The following DAB1 variants were observed in gnomAD, a reference collection of about 807,000 sequenced individuals.
DAB1 encodes the protein DAB adaptor protein 1, also known as disabled homolog 1.
Under a neutral mutation model 64.6 loss-of-function variants are expected in DAB1, and 15 were observed. The ratio of observed to expected loss-of-function variants is 0.23; its 90% CI spans 0.16 to 0.36. The LOEUF (loss-of-function observed/expected upper bound fraction) is 0.36, where lower values mean the gene tolerates loss of function less well. Among genes scored for constraint, DAB1 ranks in the 10% least tolerant of loss-of-function variants. The pLI is 1.00. For missense variants in DAB1, 596 were observed against 706.7 expected (o/e 0.84, Z 1.78); for synonymous variants, 235 against 251.9 (o/e 0.93, Z 0.64).
chr1:58,220,228 C>T (rs1292917242), intron 4 of DAB1, among the ~76,000 whole-genome samples: 1 of 152,096 alleles, frequency 6.6e-6, no homozygotes, highest in East Asian at 1.9e-4. Context: ...ATCAGTGAAT[C>T]ACAGTGGGTA....
chr1:57,576,389 G>T (rs1645250237), intron 7 of DAB1, among the ~76,000 whole-genome samples: 1 of 152,174 alleles, frequency 6.6e-6, no homozygotes, highest in South Asian at 2.1e-4. Context: ...TTGAGATGAG[G>T]TTATACTGGA....
chr1:57,212,491 C>T (rs1268554350), intron 2 of DAB1, among the ~76,000 whole-genome samples: 14 of 150,582 alleles, frequency 9.3e-5, no homozygotes, highest in African/African-American at 3.2e-4. Flanking sequence ...CCTCAGCCTC[C>T]GGAGTAGCTG....
intron 2 of DAB1, among the ~76,000 whole-genome samples, chr1:57,176,781 C>G (rs1158017902): frequency 6.6e-6 from 1 of 151,738 alleles, no homozygotes; most frequent in African/African-American, 2.4e-5. Context: ...GAGAGGAGAC[C>G]TTCTGGGGGC....
At chr1:57,672,323 G>T (rs772968859) in intron 6 of DAB1, among the ~76,000 whole-genome samples, 3 of 152,158 alleles carry the variant, frequency 2.0e-5, no homozygotes, top group Non-Finnish European at 2.9e-5. Flanking sequence ...AGTAAGAATG[G>T]TATGTAGTTA....
intron 7 of DAB1, among the ~76,000 whole-genome samples, chr1:57,506,968 T>C (rs946610481): frequency 1.3e-5 from 2 of 152,116 alleles, no homozygotes; most frequent in Admixed American, 1.3e-4. Flanking sequence ...ACCCAGGCCT[T>C]TTCAACAAGC....
At chr1:57,852,105 G>A (rs1653552192) in intron 1 of DAB1, among the ~76,000 whole-genome samples, 1 of 152,084 alleles carries the variant, frequency 6.6e-6, no homozygotes, top group African/African-American at 2.4e-5. Flanking sequence ...CCTGAGATGG[G>A]TCACATAAAT....
At chr1:57,705,109 TA>T (rs1287481839) in intron 6 of DAB1, among the ~76,000 whole-genome samples, 2 of 152,166 alleles carry the variant, frequency 1.3e-5, no homozygotes, top group Non-Finnish European at 2.9e-5. Context: ...GTCCTTTACA[TA>T]GTATTCTACT....
intron 7 of DAB1, among the ~76,000 whole-genome samples, chr1:57,430,913 A>G (rs1464855254): frequency 6.6e-6 from 1 of 151,964 alleles, no homozygotes; most frequent in Non-Finnish European, 1.5e-5. Context: ...AGAAAGAAAA[A>G]AAAAAAAAAC....
chr1:57,218,650 A>C (rs1666625371), intron 2 of DAB1, among the ~76,000 whole-genome samples: 1 of 152,068 alleles, frequency 6.6e-6, no homozygotes, highest in South Asian at 2.1e-4. Context: ...AGCCATGATC[A>C]TGAACCAGGG....
At chr1:58,422,497 G>A (rs186066853) in intron 3 of DAB1, among the ~76,000 whole-genome samples, 2 of 152,036 alleles carry the variant, frequency 1.3e-5, no homozygotes, top group Admixed American at 1.3e-4. Flanking sequence ...GGCCCCAAGA[G>A]AGCTGCTGTC....
chr1:58,206,737 T>C (rs1335817569), intron 4 of DAB1, among the ~76,000 whole-genome samples: 1 of 152,258 alleles, frequency 6.6e-6, no homozygotes, highest in Non-Finnish European at 1.5e-5. Flanking sequence ...TAAGCTTTTA[T>C]TGAGCATTGC....
chr1:57,751,220 C>T (rs1199061126), intron 6 of DAB1, among the ~76,000 whole-genome samples: 1 of 152,040 alleles, frequency 6.6e-6, no homozygotes, highest in Non-Finnish European at 1.5e-5. Flanking sequence ...CATCAGATTC[C>T]TTGTTGAGAA....
Position 58,192,233 on chromosome 1 carries a change from C to T in DAB1, n.310-41645G>A, listed in dbSNP as rs201489270. 4.6e-5 allele frequency among the ~76,000 whole-genome samples: 7 copies of T among 152,254 alleles called. No homozygotes were observed. The East Asian group carries it at 1.4e-3, about 29-fold the overall frequency. On this transcript the variant is annotated intron_variant and non_coding_transcript_variant, in intron 4 of 20. Transcript: ENST00000485760. The stretch of plus-strand genomic sequence containing the variant: ...AAGATAGAATGGTGGTTGCCAGGGG[C>T]TGGCAGGGCTAGGAATGGGGAGATG...
intron 1 of DAB1, among the ~76,000 whole-genome samples, chr1:57,389,828 T>C (rs1682196672): frequency 6.6e-6 from 1 of 152,096 alleles, no homozygotes; most frequent in South Asian, 2.1e-4. Flanking sequence ...ACTCCCCCCA[T>C]AGAAACAAGC....
intron 1 of DAB1, among the ~76,000 whole-genome samples, chr1:57,365,653 C>G (rs1679936914): frequency 6.6e-6 from 1 of 151,984 alleles, no homozygotes; most frequent in Admixed American, 6.6e-5. Flanking sequence ...GGCCATGATT[C>G]AAGTGAGGTC....
intron 1 of DAB1, among the ~76,000 whole-genome samples, chr1:57,861,417 G>A (rs1654024993): frequency 6.6e-6 from 1 of 152,158 alleles, no homozygotes; most frequent in South Asian, 2.1e-4. Context: ...CTTCTTACAA[G>A]GGTGCTAATC....
chr1:57,475,290 C>A (rs1643923147), intron 7 of DAB1, among the ~76,000 whole-genome samples: 1 of 152,040 alleles, frequency 6.6e-6, no homozygotes, highest in Non-Finnish European at 1.5e-5. Flanking sequence ...CAAAACAGAA[C>A]AAAACAATAA....
At chr1:57,315,522 C>T (rs1038029085) in intron 1 of DAB1, among the ~76,000 whole-genome samples, 11 of 151,982 alleles carry the variant, frequency 7.2e-5, no homozygotes, top group South Asian at 2.1e-4. Context: ...TTTTTTTCTG[C>T]GACGGAGTCT....
intron 6 of DAB1, among the ~76,000 whole-genome samples, chr1:57,737,275 T>C (rs767123184): frequency 1.3e-5 from 2 of 152,200 alleles, no homozygotes; most frequent in Non-Finnish European, 2.9e-5. Context: ...CTCCGTGGCA[T>C]AGAACCATGT....
Sources: gnomAD v4.1 joint callset for allele counts (sites outside exome capture counted in the v4.1 genomes callset) on GRCh38, gnomAD v4.1.1 for gene constraint, MANE v1.5 for transcripts, NCBI Gene and HGNC (gene_info 2026-07-23, HGNC 2026-07-21) for gene names.